CCNDBP1: variants seen among roughly 807,000 people sequenced by gnomAD.
CCNDBP1 encodes cyclin-D1-binding protein 1.
Under a neutral mutation model 46.2 loss-of-function variants are expected in CCNDBP1, and 45 were observed. That is an observed-to-expected ratio of 0.97 (90% CI 0.77 to 1.25). The LOEUF (loss-of-function observed/expected upper bound fraction) is 1.25, where lower values mean the gene tolerates loss of function less well. CCNDBP1 is among the 50% of genes most tolerant of loss of function. The probability of loss-of-function intolerance (pLI) is 0.00; values close to 1 mark genes in which losing one functional copy is unlikely to be tolerated. For missense variants in CCNDBP1, 436 were observed against 442.1 expected (o/e 0.99, Z 0.12); for synonymous variants, 154 against 163.6 (o/e 0.94, Z 0.45).
intron 10 of CCNDBP1, 44 bp downstream of exon 10, chr15:43,194,505 G>C (rs1477439695): frequency 6.7e-7 from 1 of 1,494,528 alleles, no homozygotes; most frequent in African/African-American, 1.4e-5. Flanking sequence ...GAGTAAAACG[G>C]AACTGCTGTC....
At chr15:43,187,889 A>G (rs1267910158) in intron 3 of CCNDBP1, among the ~76,000 whole-genome samples, 2 of 152,164 alleles carry the variant, frequency 1.3e-5, no homozygotes, top group Non-Finnish European at 2.9e-5. Flanking sequence ...ATAAATACAT[A>G]TATGTATATA....
intron 6 of CCNDBP1, 68 bp from the exon 7 acceptor site, chr15:43,190,898 C>T: frequency 8.0e-7 from 1 of 1,246,936 alleles, no homozygotes; most frequent in Non-Finnish European, 1.2e-6. Context: ...TGTGATTGTT[C>T]CTTGCAGTCA....
intron 3 of CCNDBP1, among the ~76,000 whole-genome samples, chr15:43,187,186 A>G (rs2041865551): frequency 6.6e-6 from 1 of 152,074 alleles, no homozygotes; most frequent in South Asian, 2.1e-4. Flanking sequence ...TTCAGTCTAC[A>G]TATATAGGTG....
At position 43,185,621 on chromosome 15, in the gene CCNDBP1, G is replaced by C. The variant is rs2041800175; in HGVS notation, c.109+14G>C. On this transcript the variant is annotated intron_variant, in intron 1 of 10. Coordinates refer to ENST00000300213, the MANE Select transcript of CCNDBP1 (RefSeq NM_012142.5). Reference sequence around the variant, plus strand: ...CTCGAGTGCGGGGTGAGCTGACGGAGTTAGAACGGGCGACGGCAGGGGCGG... The same window carrying C: ...CTCGAGTGCGGGGTGAGCTGACGGACTTAGAACGGGCGACGGCAGGGGCGG... The C allele has an allele frequency of 3.0e-6, 3 of 1,016,800 alleles. No individual in the cohort carries two copies. The East Asian group carries it at 1.6e-4, about 54-fold the overall frequency. The allele number at this position is 1,016,800 out of a possible 1,614,324, so 63.0% of individuals were successfully genotyped here. A position where few individuals can be genotyped will look rare whatever the true frequency, so the allele number is the denominator to read the frequency against.
chr15:43,194,804 G>A lies in CCNDBP1; in HGVS notation c.1046G>A (p.Arg349Lys). Residue 349 changes from arginine (R) to lysine (K), a missense_variant, in exon 11 of 11, where the codon AGA (arginine) becomes AAA (lysine). Physicochemically the swap from Arg to Lys is conservative, Grantham distance 26. Coordinates refer to ENST00000300213, the MANE Select transcript of CCNDBP1 (RefSeq NM_012142.5). ...LINAIDHCMN[R>K]IKELTQSELE... ...AATGCCATTGATCATTGCATGAATA[G>A]AATCAAGGAGCTCACTCAGAGTGAA... The A allele has an allele frequency of 1.9e-6, 3 of 1,613,370 alleles. No individual in the cohort carries two copies. The highest frequency in any genetic ancestry group is 2.5e-6 in the Non-Finnish European group (3 of 1,179,334).
chr15:43,185,416 C>T lies in CCNDBP1; in HGVS notation c.-83C>T. On this transcript the variant is annotated 5_prime_UTR_variant, in exon 1 of 11. Transcript: ENST00000300213. ...CGGAAACGAGCCCTTGACGCTGTGG[C>T]CCGGAAGTGGAGCGGCTGTCGCAGT... 1 of 1,101,756 alleles carries T rather than the reference C, an allele frequency of 9.1e-7. No homozygotes were observed. The highest frequency in any genetic ancestry group is 1.3e-6 in the Non-Finnish European group (1 of 750,802). The allele number at this position is 1,101,756 out of a possible 1,614,324, so 68.2% of individuals were successfully genotyped here.
chr15:43,192,826 T>C (rs751715504), intron 9 of CCNDBP1, 23 bp downstream of exon 9: 2 of 1,607,004 alleles, frequency 1.2e-6, no homozygotes, highest in South Asian at 2.2e-5. Context: ...TTTGAGGGAA[T>C]AGCTACAGAA....
intron 8 of CCNDBP1, 142 bp downstream of exon 8, chr15:43,191,817 C>A: frequency 1.2e-6 from 1 of 845,498 alleles, no homozygotes; most frequent in Non-Finnish European, 1.8e-6. Flanking sequence ...CTTCAGTGAA[C>A]ACCCCTATAT....
chr15:43,187,864 T>C (rs1330122117), intron 3 of CCNDBP1, among the ~76,000 whole-genome samples: 1 of 152,142 alleles, frequency 6.6e-6, no homozygotes, highest in Non-Finnish European at 1.5e-5. Flanking sequence ...TATTCAAGTA[T>C]ATACATATAT....
intron 10 of CCNDBP1, 124 bp downstream of exon 10, chr15:43,194,585 C>T: frequency 3.9e-6 from 4 of 1,027,008 alleles, no homozygotes; most frequent in Non-Finnish European, 5.8e-6. Context: ...TTTCTTTCAG[C>T]TTCAGTTGTG....
At chr15:43,190,233 C>A in intron 5 of CCNDBP1, 82 bp downstream of exon 5, 5 of 1,584,908 alleles carry the variant, frequency 3.2e-6, no homozygotes, top group Non-Finnish European at 4.3e-6. Context: ...AGCAAAGTTA[C>A]TGACAGCTGA....
At chr15:43,186,303 A>G (rs1319821899) in intron 3 of CCNDBP1, 70 bp downstream of exon 3, 3 of 1,217,450 alleles carry the variant, frequency 2.5e-6, no homozygotes. Flanking sequence ...TTTTCTTTCC[A>G]CCTTTTGCAC....
At position 43,192,686 on chromosome 15, in the gene CCNDBP1, T is replaced by C. The variant is rs947577591; in HGVS notation, c.861-57T>C. On this transcript the variant is annotated intron_variant, in intron 8 of 10. Coordinates refer to ENST00000300213, the MANE Select transcript of CCNDBP1 (RefSeq NM_012142.5). ...ACTGTTGACATCCATAGTTGTGTAC[T>C]AGAAACAACCTGGCTGCGTTTTTTT... The C allele has an allele frequency of 2.4e-5, 37 of 1,521,194 alleles. 1 individual carries two copies. The highest frequency in any genetic ancestry group is 6.4e-6 in the Non-Finnish European group (7 of 1,095,762). The allele number at this position is 1,521,194 out of a possible 1,614,324, so 94.2% of individuals were successfully genotyped here.
At position 43,191,261 on chromosome 15, in the gene CCNDBP1, C is replaced by G. The variant is rs530822437; in HGVS notation, c.580-134C>G. ...GAACAGGGTTTATGAAGTGATTCAA[C>G]TCTGTAGCCCTTAGTGAAGTGGCTG... On this transcript the variant is annotated intron_variant, in intron 7 of 10. Transcript: ENST00000300213. 3.1e-6 allele frequency: 3 copies of G among 954,778 alleles called. No individual in the cohort carries two copies. The African/African-American group carries it at 5.0e-5, about 16-fold the overall frequency. The allele number at this position is 954,778 out of a possible 1,614,324, so 59.1% of individuals were successfully genotyped here.
intron 4 of CCNDBP1, 87 bp downstream of exon 4, chr15:43,189,367 G>A: frequency 1.4e-6 from 1 of 717,154 alleles, no homozygotes; most frequent in Non-Finnish European, 2.3e-6. Flanking sequence ...TACCCAACTT[G>A]AACATGTAAC....
chr15:43,191,274 A>G (rs2041946050), intron 7 of CCNDBP1, 121 bp from the exon 8 acceptor site: 51 of 1,023,176 alleles, frequency 5.0e-5, no homozygotes, highest in Non-Finnish European at 6.5e-5. Flanking sequence ...TGTAGCCCTT[A>G]GTGAAGTGGC....
intron 3 of CCNDBP1, among the ~76,000 whole-genome samples, chr15:43,188,295 A>G (rs1415540246): frequency 6.6e-6 from 1 of 152,130 alleles, no homozygotes; most frequent in Non-Finnish European, 1.5e-5. Flanking sequence ...AGTCCATGCT[A>G]GTTACCTTTA....
Position 43,194,925 on chromosome 15 carries a change from C to T in CCNDBP1, c.*84C>T. 3.6e-6 allele frequency: 3 copies of T among 841,454 alleles called. No homozygotes were observed. The South Asian group carries it at 4.7e-5, about 13-fold the overall frequency. The allele number at this position is 841,454 out of a possible 1,614,324, so 52.1% of individuals were successfully genotyped here. ...CTGCTTTTAAAATGGAGCTAGAATG[C>T]TTGCTGGATTGAAAGGGAGTGCCTA... On this transcript the variant is annotated 3_prime_UTR_variant, in exon 11 of 11. Transcript: ENST00000300213.
At chr15:43,192,082 A>T (rs2041962061) in intron 8 of CCNDBP1, among the ~76,000 whole-genome samples, 2 of 152,206 alleles carry the variant, frequency 1.3e-5, no homozygotes, top group Non-Finnish European at 2.9e-5. Flanking sequence ...TGTATCTAAA[A>T]TGTCATATAA....
Sources: allele counts gnomAD v4.1 joint callset (sites outside exome capture counted in the v4.1 genomes callset), GRCh38; gene constraint gnomAD v4.1.1; transcripts MANE v1.5; gene names NCBI Gene and HGNC (gene_info 2026-07-23, HGNC 2026-07-21).